The following JAK2 variants were observed in gnomAD, a reference collection of about 807,000 sequenced individuals.
JAK2 encodes Janus kinase 2, also known as tyrosine-protein kinase JAK2.
JAK2 carries 86 observed loss-of-function variants against 139.3 expected under a neutral mutation model. That is an observed-to-expected ratio of 0.62 (90% CI 0.52 to 0.74). The LOEUF (loss-of-function observed/expected upper bound fraction) is 0.74. Ranked by LOEUF, JAK2 falls within the 30% of genes least tolerant of loss-of-function variation. The probability of loss-of-function intolerance (pLI) is 0.00; values close to 1 mark genes in which losing one functional copy is unlikely to be tolerated. For missense variants in JAK2, 1,421 were observed against 1,360.3 expected (o/e 1.04, Z -0.70); for synonymous variants, 490 against 437.7 (o/e 1.12, Z -1.49).
chr9:5,092,123 C>T (rs977635450), intron 22 of JAK2, among the ~76,000 whole-genome samples: 3 of 152,174 alleles, frequency 2.0e-5, no homozygotes, highest in Admixed American at 6.5e-5. Flanking sequence ...TACATAAAAA[C>T]GTTAGGTCAA....
intron 16 of JAK2, among the ~76,000 whole-genome samples, chr9:5,078,953 A>G (rs1819492397): frequency 6.6e-6 from 1 of 152,212 alleles, no homozygotes; most frequent in African/African-American, 2.4e-5. Flanking sequence ...TCAGTCAGAT[A>G]GTTGAGAGGG....
rs1349254628 is a variant in JAK2, at chr9:5,077,597, T to C, written c.1992+17T>C. On this transcript the variant is annotated intron_variant, in intron 15 of 24. Transcript: ENST00000381652. The stretch of plus-strand genomic sequence containing the variant: ...CATTTTCTAGTAAGTAGTACAACCT[T>C]TTTATCAAAAGATACTATTTTATTT... 9.7e-6 allele frequency: 14 copies of C among 1,444,814 alleles called. No individual in the cohort carries two copies. The highest frequency in any genetic ancestry group is 3.0e-5 in the African/African-American group (2 of 67,050). The allele number at this position is 1,444,814 out of a possible 1,614,324, so 89.5% of individuals were successfully genotyped here.
rs1334492806 is a variant in JAK2, at chr9:5,126,902, T to A, written c.*111T>A. On this transcript the variant is annotated 3_prime_UTR_variant, in exon 25 of 25. Transcript: ENST00000381652. ...ATCATTATTATATAAATCATGATGCTAGCCAGCAAAGATGTGAAAATATCT... is the reference window on the plus strand; with the variant it reads ...ATCATTATTATATAAATCATGATGCAAGCCAGCAAAGATGTGAAAATATCT... The A allele has an allele frequency of 1.8e-6, 1 of 541,750 alleles. No homozygotes were observed. The highest frequency in any genetic ancestry group is 4.0e-5 in the Admixed American group (1 of 25,098). The allele number at this position is 541,750 out of a possible 1,614,324, so 33.6% of individuals were successfully genotyped here. A position where few individuals can be genotyped will look rare whatever the true frequency, so the allele number is the denominator to read the frequency against.
Position 5,022,033 on chromosome 9 carries a change from A to T in JAK2, c.46A>T (p.Thr16Ser). 4 of 1,614,122 alleles carry T rather than the reference A, an allele frequency of 2.5e-6. No homozygotes were observed. The South Asian group carries it at 4.4e-5, about 18-fold the overall frequency. The part of the protein sequence containing the change: ...LTMTEMEGTS[T>S]SSIYQNGDIS... The stretch of plus-strand genomic sequence containing the variant: ...GATGACAGAAATGGAGGGAACATCC[A>T]CCTCTTCTATATATCAGAATGGTGA... The change falls in exon 3 of 25, where the codon ACC becomes TCC. Residue 16 changes from threonine (T) to serine (S), a missense_variant. Coordinates refer to ENST00000381652, the MANE Select transcript of JAK2 (RefSeq NM_004972.4).
rs76518418 is a variant in JAK2, at chr9:5,122,781, C to T, written c.3060-223C>T. ...GTATTGTTTGTACAAACAATCTAGG[C>T]ATAGTGAGTCACTCTTATTTAGGGA... On this transcript the variant is annotated intron_variant, in intron 22 of 24. Transcript: ENST00000381652. Among the ~76,000 whole-genome samples the T allele has an allele frequency of 2.7e-3, 413 of 152,106 alleles. 1 individual carries two copies. Among genetic ancestry groups the T allele is most frequent in the Non-Finnish European group, 5.1e-3 (344 of 67,896 alleles).
At chr9:5,028,238 T>C (rs897312236) in intron 3 of JAK2, among the ~76,000 whole-genome samples, 6 of 152,238 alleles carry the variant, frequency 3.9e-5, no homozygotes, top group Admixed American at 3.3e-4. Flanking sequence ...TCAATGTACA[T>C]CTTCATCAGA....
chr9:5,114,248 C>T, intron 22 of JAK2: 1 of 535,926 alleles, frequency 1.9e-6, no homozygotes, highest in Non-Finnish European at 3.7e-6. Flanking sequence ...TGCCCACAAT[C>T]ACCTGTCTGG....
At chr9:5,053,685 A>G (rs979475006) in intron 6 of JAK2, among the ~76,000 whole-genome samples, 4 of 152,034 alleles carry the variant, frequency 2.6e-5, no homozygotes, top group African/African-American at 9.7e-5. Context: ...AAAAGAGGCC[A>G]GATAGGCTGT....
chr9:5,128,592 T>TAA lies in JAK2; in HGVS notation c.*1802_*1803dup, dbSNP rs1554687494. On this transcript the variant is annotated 3_prime_UTR_variant, in exon 25 of 25. Transcript: ENST00000381652. Reference sequence around the variant, plus strand: ...TTGCTTTTTAAAACAAGATGTGAACTAACTTTTCTTAAACATTTTTTTAAA... The same window carrying TAA: ...TTGCTTTTTAAAACAAGATGTGAACTAAAACTTTTCTTAAACATTTTTTTAAA... Among the ~76,000 whole-genome samples the TAA allele has an allele frequency of 1.3e-5, 2 of 151,952 alleles. No individual in the cohort carries two copies. Among genetic ancestry groups the TAA allele is most frequent in the Non-Finnish European group, 3.0e-5 (2 of 67,788 alleles).
chr9:5,039,300 C>T (rs569988423), intron 4 of JAK2, among the ~76,000 whole-genome samples: 1 of 152,204 alleles, frequency 6.6e-6, no homozygotes, highest in South Asian at 2.1e-4. Flanking sequence ...AAAAGTTGTG[C>T]TTACACTGAA....
chr9:5,057,615 C>T (rs916095231), intron 8 of JAK2, among the ~76,000 whole-genome samples: 1 of 140,912 alleles, frequency 7.1e-6, no homozygotes, highest in Non-Finnish European at 1.5e-5. Context: ...ATGAGTCTTG[C>T]CCTGTCATCC....
Position 5,069,137 on chromosome 9 carries a change from A to T in JAK2, c.1442A>T (p.Tyr481Phe). The change falls in exon 11 of 25, where the codon TAC (tyrosine) becomes TTC (phenylalanine). Residue 481 changes from tyrosine (Y) to phenylalanine (F), a missense_variant. Physicochemically the swap from Tyr to Phe is conservative, Grantham distance 22 (BLOSUM62 3). Coordinates refer to ENST00000381652, the MANE Select transcript of JAK2 (RefSeq NM_004972.4). ...AGTCTTAAAGATCTTTTGAATTGTT[A>T]CCAGATGGAAACTGTTCGCTCAGAC... ...FSSLKDLLNC[Y>F]QMETVRSDNI... 6.2e-7 allele frequency: 1 copy of T among 1,613,172 alleles called. No individual in the cohort carries two copies. Among genetic ancestry groups the T allele is most frequent in the Non-Finnish European group, 8.5e-7 (1 of 1,179,316 alleles).
chr9:4,999,526 A>C (rs987516425), intron 2 of JAK2, among the ~76,000 whole-genome samples: 1 of 152,236 alleles, frequency 6.6e-6, no homozygotes, highest in African/African-American at 2.4e-5. Context: ...AGAAGGACAG[A>C]ACTAATAGGA....
intron 4 of JAK2, among the ~76,000 whole-genome samples, chr9:5,030,846 C>G (rs907227314): frequency 3.3e-5 from 5 of 151,186 alleles, no homozygotes; most frequent in Non-Finnish European, 7.4e-5. Flanking sequence ...GCACTGAGTT[C>G]AAAAAAATAT....
At position 5,128,080 on chromosome 9, in the gene JAK2, T is replaced by TTGTGTGTGTG. The variant is rs139964957; in HGVS notation, c.*1321_*1330dup. On this transcript the variant is annotated 3_prime_UTR_variant, in exon 25 of 25. Transcript: ENST00000381652. ...TAGCTAAAATAAAATATGGTGGGTTTTGTGTGTGTGTGTGTGTGTGTGTGT... is the reference window on the plus strand; with the variant it reads ...TAGCTAAAATAAAATATGGTGGGTTTTGTGTGTGTGTGTGTGTGTGTGTGTGTGTGTGTGT... 3.4e-3 allele frequency: 764 copies of TTGTGTGTGTG among 224,736 alleles called. 11 individuals are homozygous for TTGTGTGTGTG. The highest frequency in any genetic ancestry group is 0.017 in the African/African-American group (728 of 43,232). The allele number at this position is 224,736 out of a possible 1,614,324, so 13.9% of individuals were successfully genotyped here. A position where few individuals can be genotyped will look rare whatever the true frequency, so the allele number is the denominator to read the frequency against.
chr9:4,992,626 A>G (rs976489397), intron 2 of JAK2, among the ~76,000 whole-genome samples: 8 of 152,216 alleles, frequency 5.3e-5, no homozygotes, highest in African/African-American at 9.6e-5. Context: ...CTCAGAGTCC[A>G]GTATCTCATC....
At chr9:5,126,508 T>C (rs2130865367) in intron 24 of JAK2, 62 bp downstream of exon 24, 1 of 1,142,316 alleles carries the variant, frequency 8.8e-7, no homozygotes, top group Middle Eastern at 2.0e-4. Context: ...ACTCAAGGAC[T>C]TCAGTTCACT....
At chr9:5,115,909 G>T (rs996202860) in intron 22 of JAK2, among the ~76,000 whole-genome samples, 14 of 152,128 alleles carry the variant, frequency 9.2e-5, no homozygotes, top group African/African-American at 3.4e-4. Flanking sequence ...GCCTGTTGTT[G>T]GGTGGAGGGC....
intron 22 of JAK2, among the ~76,000 whole-genome samples, chr9:5,116,688 T>C (rs1209427219): frequency 6.6e-6 from 1 of 152,028 alleles, no homozygotes; most frequent in Non-Finnish European, 1.5e-5. Context: ...TACAGGGAGG[T>C]AGGGATATGA....
Sources: gnomAD v4.1 joint callset for allele counts (sites outside exome capture counted in the v4.1 genomes callset) on GRCh38, gnomAD v4.1.1 for gene constraint, MANE v1.5 for transcripts, NCBI Gene and HGNC (gene_info 2026-07-23, HGNC 2026-07-21) for gene names.